The following PMM2 variants were observed in gnomAD, a reference collection of about 807,000 sequenced individuals.
The protein encoded by PMM2 is mannose-6-phosphate isomerase.
PMM2 carries 35 observed loss-of-function variants against 33.2 expected under a neutral mutation model. The ratio of observed to expected loss-of-function variants is 1.06; its 90% CI spans 0.81 to 1.40. PMM2 has a LOEUF of 1.40. Ranked by LOEUF, PMM2 falls within the 40% of genes most tolerant of loss-of-function variation. PMM2 has a pLI of 0.00. For synonymous variants in PMM2, 153 were observed against 114.7 expected, an observed-to-expected ratio of 1.33 and a Z score of -2.13; for missense variants, 386 against 306.0, an observed-to-expected ratio of 1.26 and a Z score of -1.95.
chr16:8,805,172 A>G (rs2060639950), intron 3 of PMM2, among the ~76,000 whole-genome samples: 1 of 152,104 alleles, frequency 6.6e-6, no homozygotes, highest in Admixed American at 6.6e-5. Context: ...GGTTCAAACA[A>G]TTCTTACGCC....
Position 8,813,064 on chromosome 16 carries a change from C to G in PMM2, c.597C>G (p.Asp199Glu), listed in dbSNP as rs376412367. 1 of 1,611,932 alleles carries G rather than the reference C, an allele frequency of 6.2e-7. No individual in the cohort carries two copies. Among genetic ancestry groups the G allele is most frequent in the Non-Finnish European group, 8.5e-7 (1 of 1,177,924 alleles). The change falls in exon 7 of 8, where the codon GAC (aspartate) becomes GAG (glutamate). Residue 199 changes from aspartate (D) to glutamate (E), a missense_variant. Asp to Glu is a conservative substitution (Grantham distance 45). Coordinates refer to ENST00000268261, the MANE Select transcript of PMM2 (RefSeq NM_000303.3). ...KRYCLRHVEN[D>E]GYKTIYFFGD... ...ACTGTCTGCGACATGTGGAAAATGACGGTTATAAGACCATTTATTTCTTTG... is the reference window on the plus strand; with the variant it reads ...ACTGTCTGCGACATGTGGAAAATGAGGGTTATAAGACCATTTATTTCTTTG...
At chr16:8,807,698 T>G (rs2060655267) in intron 4 of PMM2, 1 of 152,412 alleles carries the variant, frequency 6.6e-6, no homozygotes, top group African/African-American at 2.4e-5. Context: ...TCTTGCCGTA[T>G]GGCCCAGGCT....
chr16:8,817,240 C>T (rs2060713402), intron 7 of PMM2, among the ~76,000 whole-genome samples: 1 of 152,162 alleles, frequency 6.6e-6, no homozygotes, highest in African/African-American at 2.4e-5. Flanking sequence ...GTTTTATAAC[C>T]ACATCCTTTT....
chr16:8,812,245 G>A (rs1219386645), intron 6 of PMM2, among the ~76,000 whole-genome samples: 1 of 152,246 alleles, frequency 6.6e-6, no homozygotes, highest in African/African-American at 2.4e-5. Context: ...TACACAGCCA[G>A]TGTGTGAACG....
intron 7 of PMM2, among the ~76,000 whole-genome samples, chr16:8,839,810 G>C (rs889740500): frequency 6.6e-6 from 1 of 151,766 alleles, no homozygotes; most frequent in South Asian, 2.1e-4. Context: ...TTTGCCGAGA[G>C]ATACATATAG....
Position 8,812,981 on chromosome 16 carries a change from C to T in PMM2, c.524-10C>T, listed in dbSNP as rs1389443685. Reference sequence around the variant, plus strand: ...CTTTTGCCTTTGTGTGCCCCGTCCCCACCCGGCAGGAGGCCAGATCAGCTT... The same window carrying T: ...CTTTTGCCTTTGTGTGCCCCGTCCCTACCCGGCAGGAGGCCAGATCAGCTT... On this transcript the variant is annotated splice_polypyrimidine_tract_variant and intron_variant, in intron 6 of 7. Coordinates refer to ENST00000268261, the MANE Select transcript of PMM2 (RefSeq NM_000303.3). The T allele has an allele frequency of 6.5e-7, 1 of 1,533,258 alleles. No individual in the cohort carries two copies. Among genetic ancestry groups the T allele is most frequent in the Non-Finnish European group, 9.0e-7 (1 of 1,106,188 alleles). 95.0% of individuals were successfully genotyped at this position (1,533,258 alleles called of 1,614,324 possible).
chr16:8,799,382 C>T (rs1457396187), intron 1 of PMM2, among the ~76,000 whole-genome samples: 2 of 152,174 alleles, frequency 1.3e-5, no homozygotes, highest in Admixed American at 1.3e-4. Context: ...CAGTGAAGAA[C>T]TAACCTCCTC....
chr16:8,806,180 G>A, intron 3 of PMM2, 136 bp from the exon 4 acceptor site: 1 of 709,908 alleles, frequency 1.4e-6, no homozygotes, highest in South Asian at 1.5e-5. Flanking sequence ...TAAACAGACA[G>A]TGGGGCATGT....
intron 7 of PMM2, among the ~76,000 whole-genome samples, chr16:8,825,372 C>G (rs998157516): frequency 1.3e-5 from 2 of 152,090 alleles, no homozygotes; most frequent in Non-Finnish European, 2.9e-5. Flanking sequence ...GTCACCCAGG[C>G]TGGAGTGCAG....
In PMM2 at chr16:8,834,470, C is replaced by A. The variant is rs180707754; in HGVS notation, c.640-13254C>A. Among the ~76,000 whole-genome samples the A allele has an allele frequency of 5.0e-3, 757 of 151,832 alleles. 9 individuals are homozygous for A. Among genetic ancestry groups the A allele is most frequent in the African/African-American group, 0.017 (714 of 41,228 alleles). On this transcript the variant is annotated intron_variant, in intron 7 of 7. Transcript: ENST00000268261. The stretch of plus-strand genomic sequence containing the variant: ...CCCTGTAGGAAAGGCCTCTACTTAT[C>A]TAGTGAAAGTGTCTACTTAGAGTAA...
intron 7 of PMM2, among the ~76,000 whole-genome samples, chr16:8,817,959 A>G (rs2060717312): frequency 6.8e-6 from 1 of 146,946 alleles, no homozygotes; most frequent in African/African-American, 2.5e-5. Flanking sequence ...GCTGGAGTGC[A>G]GTGGCGTGAT....
At chr16:8,799,107 GCTGA>G (rs1191201542) in intron 1 of PMM2, among the ~76,000 whole-genome samples, 1 of 152,102 alleles carries the variant, frequency 6.6e-6, no homozygotes, top group Non-Finnish European at 1.5e-5. Context: ...CTCTGTCTTT[GCTGA>G]CTATGTGGTC....
At chr16:8,844,479 G>C (rs1055696892) in intron 7 of PMM2, among the ~76,000 whole-genome samples, 1 of 152,162 alleles carries the variant, frequency 6.6e-6, no homozygotes, top group Non-Finnish European at 1.5e-5. Flanking sequence ...AAGGAGAAGG[G>C]GTTGGGGGGT....
intron 3 of PMM2, among the ~76,000 whole-genome samples, chr16:8,805,610 T>C (rs2060643315): frequency 6.6e-6 from 1 of 151,810 alleles, no homozygotes; most frequent in South Asian, 2.1e-4. Context: ...TTTTTCTTTT[T>C]TCGTGGTGGA....
intron 7 of PMM2, among the ~76,000 whole-genome samples, chr16:8,831,288 T>G (rs1217676964): frequency 6.6e-6 from 1 of 152,362 alleles, no homozygotes; most frequent in South Asian, 2.1e-4. Flanking sequence ...TTCTCAGTTA[T>G]AATTTTTGCA....
chr16:8,832,222 G>A (rs987084587), intron 7 of PMM2: 33 of 985,282 alleles, frequency 3.3e-5, no homozygotes, highest in Non-Finnish European at 3.7e-5. Context: ...GACCCTTGGC[G>A]GGAGAGAAAG....
chr16:8,838,000 A>G (rs2060862706), intron 7 of PMM2, among the ~76,000 whole-genome samples: 1 of 152,158 alleles, frequency 6.6e-6, no homozygotes, highest in Admixed American at 6.5e-5. Context: ...AGAGACCACC[A>G]AACAGGCTTT....
intron 7 of PMM2, among the ~76,000 whole-genome samples, chr16:8,821,742 A>C (rs1175799828): frequency 6.6e-6 from 1 of 152,244 alleles, no homozygotes; most frequent in African/African-American, 2.4e-5. Context: ...CCCCAAGCCA[A>C]GGGGTGTTTT....
rs147967729 is a variant in PMM2, at chr16:8,846,733, T to A, written c.640-991T>A. On this transcript the variant is annotated intron_variant, in intron 7 of 7. Transcript: ENST00000268261. Reference sequence around the variant, plus strand: ...CAGAGCTGTGAGCAAGCTTCCATCATGACCCCATTTTGGAGATGGGGAGTT... The same window carrying A: ...CAGAGCTGTGAGCAAGCTTCCATCAAGACCCCATTTTGGAGATGGGGAGTT... Among the ~76,000 whole-genome samples, 428 of 152,336 alleles carry A rather than the reference T, an allele frequency of 2.8e-3. 1 individual carries two copies. Among genetic ancestry groups the A allele is most frequent in the African/African-American group, 9.4e-3 (390 of 41,586 alleles).
Sources: gnomAD v4.1 joint callset for allele counts (sites outside exome capture counted in the v4.1 genomes callset) on GRCh38, gnomAD v4.1.1 for gene constraint, MANE v1.5 for transcripts, NCBI Gene and HGNC (gene_info 2026-07-23, HGNC 2026-07-21) for gene names.